RETREG3: variants seen among roughly 807,000 people sequenced by gnomAD.
RETREG3 encodes the protein reticulophagy regulator family member 3.
RETREG3 carries 23 observed loss-of-function variants against 50.2 expected under a neutral mutation model. The observed-to-expected ratio is 0.46, with a 90% CI of 0.33 to 0.65. RETREG3 has a LOEUF of 0.65. RETREG3 is among the 30% of genes least tolerant of loss of function. The pLI is 0.02. For synonymous variants in RETREG3, 240 were observed against 234.4 expected, an observed-to-expected ratio of 1.02 and a Z score of -0.22; for missense variants, 546 against 598.0, an observed-to-expected ratio of 0.91 and a Z score of 0.91.
chr17:42,598,149 T>C (rs1158103453), intron 1 of RETREG3, among the ~76,000 whole-genome samples: 1 of 151,440 alleles, frequency 6.6e-6, no homozygotes, highest in African/African-American at 2.4e-5. Context: ...GCCCGGCTAA[T>C]TTTTTGTATT....
rs756278847 is a variant in RETREG3 at position 42,582,060 on chromosome 17, C to G, written c.1154G>C (p.Gly385Ala). 1 of 1,614,070 alleles carries G rather than the reference C, an allele frequency of 6.2e-7. No homozygotes were observed. The highest frequency in any genetic ancestry group is 1.7e-5 in the Admixed American group (1 of 60,016). The change falls in exon 9 of 9, where the codon GGT (glycine) becomes GCT (alanine). Residue 385 changes from glycine (G) to alanine (A), a missense_variant. By Grantham distance (60) the Gly-to-Ala change is moderately conservative (BLOSUM62 0). Coordinates refer to ENST00000309428, the MANE Select transcript of RETREG3 (RefSeq NM_178126.4). ...DEAALPELLL[G>A]ALPVGSNLTS... is the part of the protein sequence containing the mutation. ...GAGGTTGGATCCTACAGGAAGAGCA[C>G]CAAGCAGGAGCTCCGGCAGCGCAGC...
At chr17:42,593,854 T>A (rs2093138209) in intron 1 of RETREG3, among the ~76,000 whole-genome samples, 1 of 152,142 alleles carries the variant, frequency 6.6e-6, no homozygotes, top group Non-Finnish European at 1.5e-5. Flanking sequence ...TGGGTCATTT[T>A]TTCCCTTTTT....
intron 2 of RETREG3, among the ~76,000 whole-genome samples, chr17:42,588,280 G>C (rs1278901139): frequency 6.6e-6 from 1 of 152,194 alleles, no homozygotes; most frequent in Non-Finnish European, 1.5e-5. Flanking sequence ...TTGAGACAGA[G>C]TCTTCTCGCT....
Position 42,581,620 on chromosome 17 carries a change from A to G in RETREG3, c.*193T>C. The G allele has an allele frequency of 1.8e-6, 1 of 558,770 alleles. No individual in the cohort carries two copies. The highest frequency in any genetic ancestry group is 3.1e-6 in the Non-Finnish European group (1 of 320,880). 34.6% of individuals were successfully genotyped at this position (558,770 alleles called of 1,614,324 possible). A position where few individuals can be genotyped will look rare whatever the true frequency, so the allele number is the denominator to read the frequency against. On this transcript the variant is annotated 3_prime_UTR_variant, in exon 9 of 9. Transcript: ENST00000309428. ...CACTCTCACTTCAGTGACTGAGCTC[A>G]GAAATGGGCATCCAGCTGGTGGGAG...
intron 1 of RETREG3, among the ~76,000 whole-genome samples, chr17:42,607,499 C>G (rs1286677684): frequency 2.1e-5 from 1 of 46,940 alleles, no homozygotes; most frequent in Admixed American, 3.0e-4. Context: ...GACCTTGTCT[C>G]AAAAAAAAAA....
intron 1 of RETREG3, among the ~76,000 whole-genome samples, chr17:42,593,606 C>T (rs2093137498): frequency 2.7e-5 from 4 of 148,728 alleles, no homozygotes; most frequent in African/African-American, 1.0e-4. Flanking sequence ...CAAGATCGCG[C>T]CACTGCACTC....
Position 42,583,726 on chromosome 17 carries a change from C to G in RETREG3, c.728-146G>C, listed in dbSNP as rs1254898941. ...TACATAATAATAACAGAAGGCTGAG[C>G]TGCTGAGCCTAAATGCAAGGTGAGT... On this transcript the variant is annotated intron_variant, in intron 6 of 8. Coordinates refer to ENST00000309428, the MANE Select transcript of RETREG3 (RefSeq NM_178126.4). 2.3e-5 allele frequency: 14 copies of G among 615,206 alleles called. No homozygotes were observed. In the East Asian group the frequency reaches 4.3e-4, roughly 19 times the overall value. The allele number at this position is 615,206 out of a possible 1,614,324, so 38.1% of individuals were successfully genotyped here.
chr17:42,582,036 A>G lies in RETREG3; in HGVS notation c.1178T>C (p.Leu393Pro). The G allele has an allele frequency of 1.2e-6, 2 of 1,614,072 alleles. No homozygotes were observed. The highest frequency in any genetic ancestry group is 1.7e-6 in the Non-Finnish European group (2 of 1,180,014). ...LLGALPVGSN[L>P]TSNLASLVSQ... Reference sequence around the variant, plus strand: ...GACCAGGCTGGCAAGGTTGCTGGTGAGGTTGGATCCTACAGGAAGAGCACC... The same window carrying G: ...GACCAGGCTGGCAAGGTTGCTGGTGGGGTTGGATCCTACAGGAAGAGCACC... Residue 393 changes from leucine (L) to proline (P), a missense_variant, in exon 9 of 9, where the codon CTC becomes CCC. Leu to Pro is a moderately conservative substitution (Grantham distance 98). Coordinates refer to ENST00000309428, the MANE Select transcript of RETREG3 (RefSeq NM_178126.4).
In RETREG3 at chr17:42,581,761, G is replaced by T; in HGVS notation, c.*52C>A. 1 of 1,480,198 alleles carries T rather than the reference G, an allele frequency of 6.8e-7. No homozygotes were observed. The highest frequency in any genetic ancestry group is 9.1e-7 in the Non-Finnish European group (1 of 1,102,298). 91.7% of individuals were successfully genotyped at this position (1,480,198 alleles called of 1,614,324 possible). On this transcript the variant is annotated 3_prime_UTR_variant, in exon 9 of 9. Transcript: ENST00000309428. Reference sequence around the variant, plus strand: ...TCCCTTGCCCCATCACCTTAAGTGGGATGGGGAGAAAAAAACCTAAACCAC... The same window carrying T: ...TCCCTTGCCCCATCACCTTAAGTGGTATGGGGAGAAAAAAACCTAAACCAC...
In RETREG3 at chr17:42,582,714, A is replaced by G; in HGVS notation, c.903T>C (p.Asn301=). ...TTAGAGGTGTTTGGCCCCTTGAAAG[A>G]TTGAATGTGCCATTGTCTGTACAGG... ...EVSCTDNGTF[N]LSRGQTPLTE... Residue 301 remains asparagine, a synonymous_variant, in exon 8 of 9, where the codon AAT becomes AAC. Coordinates refer to ENST00000309428, the MANE Select transcript of RETREG3 (RefSeq NM_178126.4). The G allele has an allele frequency of 6.2e-7, 1 of 1,614,234 alleles. No individual in the cohort carries two copies. The highest frequency in any genetic ancestry group is 8.5e-7 in the Non-Finnish European group (1 of 1,180,040).
intron 1 of RETREG3, among the ~76,000 whole-genome samples, chr17:42,594,938 T>G (rs2093140916): frequency 6.6e-6 from 1 of 151,578 alleles, no homozygotes; most frequent in Admixed American, 6.6e-5. Flanking sequence ...GAACTTTACG[T>G]TTTGTTTGTA....
At chr17:42,597,242 G>T (rs1401725551) in intron 1 of RETREG3, among the ~76,000 whole-genome samples, 1 of 147,276 alleles carries the variant, frequency 6.8e-6, no homozygotes, top group South Asian at 2.1e-4. Flanking sequence ...AGGCTAGAGT[G>T]CAGTGGCGTG....
intron 3 of RETREG3, among the ~76,000 whole-genome samples, chr17:42,587,347 C>T (rs530464964): frequency 9.5e-4 from 144 of 152,238 alleles, no homozygotes; most frequent in Admixed American, 3.1e-3. Context: ...AGAGAAAATT[C>T]TTTGGATCAA....
chr17:42,597,011 T>C (rs969917946), intron 1 of RETREG3, among the ~76,000 whole-genome samples: 6 of 151,494 alleles, frequency 4.0e-5, no homozygotes, highest in Admixed American at 2.0e-4. Flanking sequence ...TAACTGAGAT[T>C]ACAGGTGCCC....
At chr17:42,590,951 A>C (rs2093131977) in intron 2 of RETREG3, among the ~76,000 whole-genome samples, 2 of 152,214 alleles carry the variant, frequency 1.3e-5, no homozygotes, top group African/African-American at 2.4e-5. Flanking sequence ...TGGCCAACAG[A>C]GTGAGACTCC....
intron 2 of RETREG3, among the ~76,000 whole-genome samples, chr17:42,589,603 T>A (rs561689657): frequency 1.3e-5 from 2 of 152,200 alleles, no homozygotes; most frequent in East Asian, 3.9e-4. Flanking sequence ...CTGGGTAATT[T>A]TTTTATTTTT....
intron 1 of RETREG3, among the ~76,000 whole-genome samples, chr17:42,603,721 T>C (rs2093162454): frequency 6.6e-6 from 1 of 152,188 alleles, no homozygotes; most frequent in Non-Finnish European, 1.5e-5. Flanking sequence ...CTCACGCCTG[T>C]AATCCCAGCA....
chr17:42,603,212 CCTCA>C (rs1286582471), intron 1 of RETREG3, among the ~76,000 whole-genome samples: 8 of 152,168 alleles, frequency 5.3e-5, no homozygotes, highest in Admixed American at 3.9e-4. Flanking sequence ...TACCATGGAG[CCTCA>C]CTATTAGTAC....
intron 1 of RETREG3, among the ~76,000 whole-genome samples, chr17:42,605,513 G>T (rs769748076): frequency 2.0e-5 from 3 of 152,074 alleles, no homozygotes; most frequent in Non-Finnish European, 2.9e-5. Flanking sequence ...GACACTACTA[G>T]AATGTGAAGC....
Sources: gnomAD v4.1 joint callset for allele counts (sites outside exome capture counted in the v4.1 genomes callset) on GRCh38, gnomAD v4.1.1 for gene constraint, MANE v1.5 for transcripts, NCBI Gene and HGNC (gene_info 2026-07-23, HGNC 2026-07-21) for gene names.